The following PDIA5 variants were observed in gnomAD, a reference collection of about 807,000 sequenced individuals.
PDIA5 encodes the protein protein disulfide isomerase family A member 5.
PDIA5 carries 58 observed loss-of-function variants against 77.6 expected under a neutral mutation model. The ratio of observed to expected loss-of-function variants is 0.75; its 90% CI spans 0.61 to 0.93. The LOEUF is 0.93. Ranked by LOEUF, PDIA5 falls within the 40% of genes least tolerant of loss-of-function variation. The pLI, the probability that PDIA5 is intolerant of heterozygous loss-of-function variation, is 0.00. For missense variants in PDIA5, 630 were observed against 647.7 expected, an observed-to-expected ratio of 0.97 and a Z score of 0.30; for synonymous variants, 250 against 252.1, an observed-to-expected ratio of 0.99 and a Z score of 0.08.
At chr3:123,110,753 A>C (rs1292657252) in intron 6 of PDIA5, among the ~76,000 whole-genome samples, 191 bp from the exon 7 acceptor site, 2 of 152,234 alleles carry the variant, frequency 1.3e-5, no homozygotes, top group Admixed American at 6.5e-5. Context: ...AGGTTCTTCC[A>C]GCTCCTGGCC....
intron 11 of PDIA5, 67 bp from the exon 12 acceptor site, chr3:123,145,455 C>T (rs561773742): frequency 1.0e-5 from 12 of 1,182,764 alleles, no homozygotes; most frequent in East Asian, 2.4e-5. Flanking sequence ...CTTACAGAGG[C>T]GGCGCAGGGG....
chr3:123,098,519 T>C (rs190461780), intron 3 of PDIA5, among the ~76,000 whole-genome samples: 118 of 152,290 alleles, frequency 7.7e-4, no homozygotes, highest in African/African-American at 2.8e-3. Flanking sequence ...AGCTGTCCCA[T>C]GGCAGATTCA....
intron 2 of PDIA5, 96 bp downstream of exon 2, chr3:123,089,390 T>C (rs557237400): frequency 8.2e-7 from 1 of 1,225,692 alleles, no homozygotes; most frequent in South Asian, 1.3e-5. Context: ...TGAAAACCAC[T>C]TAGGGAGGGT....
At chr3:123,159,975 G>A (rs1405729029) in intron 15 of PDIA5, among the ~76,000 whole-genome samples, 1 of 152,172 alleles carries the variant, frequency 6.6e-6, no homozygotes, top group Admixed American at 6.5e-5. Flanking sequence ...TGTGAATCAT[G>A]GTTATTCAAT....
rs539770694 is a variant in PDIA5, at chr3:123,140,617, G to A, written c.911-4905G>A. Reference sequence around the variant, plus strand: ...TTGCCTATCCATCAGAGCAGGGGCTGGGAGGAAGAGGTGGCAGGTGGTGAT... The same window carrying A: ...TTGCCTATCCATCAGAGCAGGGGCTAGGAGGAAGAGGTGGCAGGTGGTGAT... On this transcript the variant is annotated intron_variant, in intron 11 of 16. Transcript: ENST00000316218. Among the ~76,000 whole-genome samples, 16 of 138,820 alleles carry A rather than the reference G, an allele frequency of 1.2e-4. No homozygotes were observed. In the East Asian group the frequency reaches 2.8e-3, roughly 24 times the overall value. The allele number at this position is 138,820 out of a possible 152,430, so 91.1% of individuals were successfully genotyped here. A position where few individuals can be genotyped will look rare whatever the true frequency, so the allele number is the denominator to read the frequency against.
rs879072456 is a variant in PDIA5, at chr3:123,089,112, C to A, written c.43-56C>A. On this transcript the variant is annotated intron_variant, in intron 1 of 16. Transcript: ENST00000316218. ...GGCAGCACATCCATGGGCACCGATT[C>A]TTCTGGGGCCCAGCCAGAAGCTGGA... is the stretch of plus-strand genomic sequence containing the variant. The A allele has an allele frequency of 4.4e-6, 7 of 1,576,232 alleles. No homozygotes were observed. The South Asian group carries it at 8.1e-5, about 18-fold the overall frequency.
chr3:123,151,096 C>T (rs1218111557), intron 14 of PDIA5, among the ~76,000 whole-genome samples: 42 of 152,200 alleles, frequency 2.8e-4, no homozygotes, highest in Admixed American at 2.7e-3. Context: ...TTGTAGCTGG[C>T]CCTCCTGTTG....
chr3:123,122,299 A>T (rs148947968), intron 8 of PDIA5, among the ~76,000 whole-genome samples: 450 of 152,322 alleles, frequency 3.0e-3, no homozygotes, highest in African/African-American at 0.01. Flanking sequence ...GGACTTTTAA[A>T]GAAGACAAAT....
chr3:123,140,995 G>A (rs900037232), intron 11 of PDIA5, among the ~76,000 whole-genome samples: 3 of 152,208 alleles, frequency 2.0e-5, no homozygotes, highest in Non-Finnish European at 4.4e-5. Flanking sequence ...AAGCTGGCAG[G>A]TGGAATGAAA....
At chr3:123,126,148 G>C (rs1407796138) in intron 10 of PDIA5, among the ~76,000 whole-genome samples, 1 of 152,100 alleles carries the variant, frequency 6.6e-6, no homozygotes, top group East Asian at 1.9e-4. Context: ...TAGACAAAGG[G>C]AGCACATCAA....
At chr3:123,096,955 G>T (rs180778025) in intron 3 of PDIA5, among the ~76,000 whole-genome samples, 1 of 152,200 alleles carries the variant, frequency 6.6e-6, no homozygotes, top group Admixed American at 6.5e-5. Flanking sequence ...CGTCTCACAG[G>T]GGGCAAGGCT....
chr3:123,071,434 G>T (rs1282974654), intron 1 of PDIA5, among the ~76,000 whole-genome samples: 1 of 152,198 alleles, frequency 6.6e-6, no homozygotes, highest in African/African-American at 2.4e-5. Context: ...GGCATCTCCT[G>T]TAGAGCTTTT....
intron 16 of PDIA5, chr3:123,161,657 T>C: frequency 1.5e-6 from 1 of 662,406 alleles, no homozygotes; most frequent in Non-Finnish European, 2.6e-6. Flanking sequence ...ACAGATGTCC[T>C]GTCCCCAGAG....
At chr3:123,083,213 G>C (rs953414518) in intron 1 of PDIA5, among the ~76,000 whole-genome samples, 3 of 151,652 alleles carry the variant, frequency 2.0e-5, no homozygotes, top group African/African-American at 7.3e-5. Flanking sequence ...TGCTCGGGGT[G>C]GGGGAGGGGG....
At chr3:123,111,615 C>T (rs1293812634) in intron 7 of PDIA5, among the ~76,000 whole-genome samples, 3 of 152,240 alleles carry the variant, frequency 2.0e-5, no homozygotes, top group Non-Finnish European at 4.4e-5. Flanking sequence ...CACTGCAAGC[C>T]GGGTGAACTT....
intron 2 of PDIA5, among the ~76,000 whole-genome samples, chr3:123,090,724 G>T (rs1324985021): frequency 6.6e-6 from 1 of 152,132 alleles, no homozygotes; most frequent in Non-Finnish European, 1.5e-5. Context: ...AGAGTGGAAA[G>T]GTGGGGCCCT....
In PDIA5 at chr3:123,119,851, G is replaced by C. The variant is rs545576003; in HGVS notation, c.609+3553G>C. Among the ~76,000 whole-genome samples, 7 of 152,250 alleles carry C rather than the reference G, an allele frequency of 4.6e-5. No individual in the cohort carries two copies. In the South Asian group the frequency reaches 1.0e-3, roughly 23 times the overall value. Reference sequence around the variant, plus strand: ...TTTGGCTGGGTCTGTCTCTGGCAAGGGTCAAAAATCTTCCTCCTCTACAGA... The same window carrying C: ...TTTGGCTGGGTCTGTCTCTGGCAAGCGTCAAAAATCTTCCTCCTCTACAGA... On this transcript the variant is annotated intron_variant, in intron 8 of 16. Transcript: ENST00000316218.
At chr3:123,101,670 C>T (rs979078641) in intron 3 of PDIA5, among the ~76,000 whole-genome samples, 2 of 152,168 alleles carry the variant, frequency 1.3e-5, no homozygotes, top group Admixed American at 1.3e-4. Context: ...TGTCCACCCC[C>T]AACAGAGATT....
intron 10 of PDIA5, among the ~76,000 whole-genome samples, chr3:123,128,052 C>T (rs538797269): frequency 3.7e-4 from 56 of 152,308 alleles, no homozygotes; most frequent in African/African-American, 1.3e-3. Context: ...CCTCTTACCA[C>T]GGTGCCCAGT....
Sources: allele counts gnomAD v4.1 joint callset (sites outside exome capture counted in the v4.1 genomes callset), GRCh38; gene constraint gnomAD v4.1.1; transcripts MANE v1.5; gene names NCBI Gene and HGNC (gene_info 2026-07-23, HGNC 2026-07-21).